The following RGS6 variants were observed in gnomAD, a reference collection of about 807,000 sequenced individuals.
The protein encoded by RGS6 is regulator of G-protein signaling 6.
In RGS6, 30 loss-of-function variants were observed where a neutral mutation model predicts 78.5. That is an observed-to-expected ratio of 0.38 (90% CI 0.29 to 0.52). The LOEUF (loss-of-function observed/expected upper bound fraction) is 0.52, where lower values mean the gene tolerates loss of function less well. Ranked by LOEUF, RGS6 falls within the 20% of genes least tolerant of loss-of-function variation. The pLI is 0.85. For synonymous variants in RGS6, 206 were observed against 206.0 expected (o/e 1.00, Z 0.00); for missense variants, 495 against 609.7 (o/e 0.81, Z 1.98).
intron 2 of RGS6, among the ~76,000 whole-genome samples, chr14:72,206,378 C>T (rs774788490): frequency 1.3e-5 from 2 of 151,998 alleles, no homozygotes; most frequent in Admixed American, 6.6e-5. Flanking sequence ...AGAAGCAAGT[C>T]GTAGAGCAAT....
chr14:72,321,024 A>G (rs951749810), intron 2 of RGS6, among the ~76,000 whole-genome samples: 10 of 151,104 alleles, frequency 6.6e-5, no homozygotes, highest in Non-Finnish European at 1.2e-4. Flanking sequence ...TATATAAGGT[A>G]CATGTTTAAT....
At chr14:72,433,163 C>T (rs911148300) in intron 3 of RGS6, among the ~76,000 whole-genome samples, 18 of 152,272 alleles carry the variant, frequency 1.2e-4, no homozygotes, top group Admixed American at 2.6e-4. Context: ...TCCCATACTC[C>T]GCCTGTTTTC....
At chr14:72,411,867 G>A (rs1334034577) in intron 3 of RGS6, among the ~76,000 whole-genome samples, 2 of 152,124 alleles carry the variant, frequency 1.3e-5, no homozygotes, top group Non-Finnish European at 1.5e-5. Flanking sequence ...GCTGGATTAC[G>A]TTTATTGATT....
Position 72,455,227 on chromosome 14 carries a change from T to C in RGS6, c.235+649T>C, listed in dbSNP as rs73296816. ...CCCATGTGCTGTCAGTTAATACTTT[T>C]CCGAATTTATTACATACTCCTTTGC... On this transcript the variant is annotated intron_variant, in intron 4 of 17. Transcript: ENST00000553525. Among the ~76,000 whole-genome samples, 383 of 152,344 alleles carry C rather than the reference T, an allele frequency of 2.5e-3. 2 individuals carry two copies. Among genetic ancestry groups the C allele is most frequent in the African/African-American group, 8.9e-3 (369 of 41,562 alleles).
At chr14:72,221,380 T>G (rs911050708) in intron 2 of RGS6, among the ~76,000 whole-genome samples, 1 of 152,118 alleles carries the variant, frequency 6.6e-6, no homozygotes, top group Non-Finnish European at 1.5e-5. Context: ...TGGGACCTAG[T>G]CAATGAGACA....
the RGS6 span, among the ~76,000 whole-genome samples, chr14:71,888,735 T>C: frequency 1.5e-4 from 23 of 152,126 alleles, no homozygotes; most frequent in Non-Finnish European, 2.9e-5. Context: ...ATACAGACTA[T>C]GATGGGAACA....
chr14:72,607,445 G>A, the RGS6 span, among the ~76,000 whole-genome samples: 4 of 152,186 alleles, frequency 2.6e-5, no homozygotes, highest in African/African-American at 7.2e-5. Context: ...CACTAATGCC[G>A]TGCATGTGGA....
chr14:71,998,512 G>A (rs1191961322), intron 2 of RGS6, among the ~76,000 whole-genome samples: 1 of 152,234 alleles, frequency 6.6e-6, no homozygotes, highest in Non-Finnish European at 1.5e-5. Context: ...AAGCCACCAT[G>A]GCTGCAGCTC....
the RGS6 span, among the ~76,000 whole-genome samples, chr14:71,899,120 G>C: frequency 6.6e-5 from 10 of 152,158 alleles, no homozygotes; most frequent in East Asian, 1.9e-3. Context: ...CCCTTCCCCT[G>C]ATTTTTTTAA....
chr14:72,461,276 G>A (rs1446520454), intron 6 of RGS6, among the ~76,000 whole-genome samples: 1 of 152,148 alleles, frequency 6.6e-6, no homozygotes, highest in Non-Finnish European at 1.5e-5. Flanking sequence ...TGGGAGGATG[G>A]TAAGACCAGA....
chr14:72,282,760 T>A (rs906719477), intron 2 of RGS6, among the ~76,000 whole-genome samples: 22 of 152,236 alleles, frequency 1.4e-4, no homozygotes, highest in Admixed American at 4.6e-4. Flanking sequence ...CTTGTTGTTT[T>A]TGTTTGTTTG....
chr14:72,437,370 A>T (rs1207995512), intron 3 of RGS6, among the ~76,000 whole-genome samples: 1 of 151,240 alleles, frequency 6.6e-6, no homozygotes, highest in Non-Finnish European at 1.5e-5. Context: ...AAAGGAAAAA[A>T]AAAATCACAA....
At chr14:71,872,939 A>T in the RGS6 span, among the ~76,000 whole-genome samples, 1 of 152,230 alleles carries the variant, frequency 6.6e-6, no homozygotes, top group South Asian at 2.1e-4. Context: ...ATGGTTTCCA[A>T]CTTCATCCAT....
chr14:72,323,578 G>A (rs73304976), intron 2 of RGS6, among the ~76,000 whole-genome samples: 6,760 of 151,180 alleles, frequency 0.045, 460 homozygotes, highest in African/African-American at 0.15. Flanking sequence ...ATTGTAGTCC[G>A]GGTACCTGAG....
intron 2 of RGS6, among the ~76,000 whole-genome samples, chr14:71,995,758 G>A (rs551079680): frequency 4.3e-4 from 65 of 152,126 alleles, no homozygotes; most frequent in Non-Finnish European, 7.9e-4. Flanking sequence ...TTTTCATGAC[G>A]CACGGCATAT....
intron 12 of RGS6, among the ~76,000 whole-genome samples, chr14:72,489,942 T>C (rs530616476): frequency 6.6e-6 from 1 of 152,338 alleles, no homozygotes; most frequent in Admixed American, 6.5e-5. Flanking sequence ...TTATAAAGAA[T>C]TCAATCAGCC....
intron 2 of RGS6, among the ~76,000 whole-genome samples, chr14:72,240,705 A>G (rs1279972830): frequency 1.3e-5 from 2 of 152,174 alleles, no homozygotes; most frequent in African/African-American, 4.8e-5. Flanking sequence ...TTCCGGTACT[A>G]GGTAAATTTG....
At chr14:72,486,824 G>A (rs1439361545) in intron 12 of RGS6, among the ~76,000 whole-genome samples, 1 of 152,182 alleles carries the variant, frequency 6.6e-6, no homozygotes, top group African/African-American at 2.4e-5. Flanking sequence ...AGGAGAGCAA[G>A]GAAAGGGTAA....
At position 72,265,357 on chromosome 14, in the gene RGS6, G is replaced by A. The variant is rs191503077; in HGVS notation, c.85-86738G>A. ...CCCTGTGTCTCTCTCCTTGCTTCAT[G>A]GGAAATCCTGCCACCTGGCTCAGAC... On this transcript the variant is annotated intron_variant, in intron 2 of 17. Transcript: ENST00000553525. 2.6e-4 allele frequency among the ~76,000 whole-genome samples: 39 copies of A among 152,198 alleles called. 1 individual carries two copies. In the East Asian group the frequency reaches 7.4e-3, roughly 29 times the overall value.
Sources: gnomAD v4.1 joint callset for allele counts (sites outside exome capture counted in the v4.1 genomes callset) on GRCh38, gnomAD v4.1.1 for gene constraint, MANE v1.5 for transcripts, NCBI Gene and HGNC (gene_info 2026-07-23, HGNC 2026-07-21) for gene names.